Variants in SNX24 observed in about 807,000 individuals in gnomAD.
SNX24 encodes the protein sorting nexin 24, also known as sorting nexin-24.
In SNX24, 22 loss-of-function variants were observed where a neutral mutation model predicts 28.7. The ratio of observed to expected loss-of-function variants is 0.77; its 90% CI spans 0.55 to 1.10. The LOEUF (loss-of-function observed/expected upper bound fraction) is 1.10. Ranked by LOEUF, SNX24 falls within the 50% of genes least tolerant of loss-of-function variation. SNX24 has a pLI of 0.00. For missense variants in SNX24, 221 were observed against 201.1 expected, an observed-to-expected ratio of 1.10 and a Z score of -0.60; for synonymous variants, 69 against 71.5, an observed-to-expected ratio of 0.96 and a Z score of 0.18.
In SNX24 at chr5:123,007,746, G is replaced by C; in HGVS notation, c.507G>C (p.Arg169Ser). 1 of 1,599,872 alleles carries C rather than the reference G, an allele frequency of 6.3e-7. No individual in the cohort carries two copies. Among genetic ancestry groups the C allele is most frequent in the South Asian group, 1.2e-5 (1 of 86,686 alleles). ...HGIFYPHLQP[R>S] ...TATTTTACCCTCATCTACAGCCCAG[G>C]TAGAAATCCTACATGGCTAAAAGAA... is the stretch of plus-strand genomic sequence containing the variant. The change falls in exon 7 of 7, where the codon AGG becomes AGC. Residue 169 changes from arginine (R) to serine (S), a missense_variant. Coordinates refer to ENST00000261369, the MANE Select transcript of SNX24 (RefSeq NM_014035.4).
chr5:122,930,593 A>G (rs1426508907), intron 1 of SNX24, among the ~76,000 whole-genome samples: 2 of 152,146 alleles, frequency 1.3e-5, no homozygotes, highest in African/African-American at 4.8e-5. Flanking sequence ...TCCCTGGGAT[A>G]TATAAACCCT....
intron 5 of SNX24, among the ~76,000 whole-genome samples, chr5:123,020,233 TTAAAG>T (rs1762743081): frequency 1.3e-5 from 2 of 152,184 alleles, no homozygotes; most frequent in African/African-American, 2.4e-5. Flanking sequence ...TTATTTAAAA[TTAAAG>T]AGAATTGTTT....
At position 122,845,672 on chromosome 5, in the gene SNX24, C is replaced by T; in HGVS notation, c.39C>T (p.Ser13=). 2.1e-6 allele frequency: 3 copies of T among 1,423,358 alleles called. No homozygotes were observed. The highest frequency in any genetic ancestry group is 1.7e-5 in the South Asian group (1 of 60,584). The allele number at this position is 1,423,358 out of a possible 1,614,324, so 88.2% of individuals were successfully genotyped here. ...TCCCGTCCTTTCGCTATGAAGAGAGCGACCTGGAGCGGGGATACACGGTAG... is the reference window on the plus strand; with the variant it reads ...TCCCGTCCTTTCGCTATGAAGAGAGTGACCTGGAGCGGGGATACACGGTAG... ...VYIPSFRYEE[S]DLERGYTVFK... Residue 13 remains serine, a synonymous_variant, in exon 1 of 7, where the codon AGC becomes AGT. Transcript: ENST00000261369.
At chr5:122,942,092 C>A (rs1157320345) in intron 2 of SNX24, among the ~76,000 whole-genome samples, 1 of 152,120 alleles carries the variant, frequency 6.6e-6, no homozygotes, top group Non-Finnish European at 1.5e-5. Context: ...CCAAAAATTG[C>A]ATGTATGGGC....
chr5:122,906,827 G>A (rs1222479731), intron 1 of SNX24, among the ~76,000 whole-genome samples: 3 of 152,154 alleles, frequency 2.0e-5, no homozygotes, highest in Non-Finnish European at 4.4e-5. Context: ...TCTTTTTACA[G>A]TTGAGAGGAC....
chr5:122,879,042 C>G (rs1212323695), intron 1 of SNX24, among the ~76,000 whole-genome samples: 1 of 151,822 alleles, frequency 6.6e-6, no homozygotes, highest in Non-Finnish European at 1.5e-5. Context: ...TTTTTAGTGG[C>G]CCTATTAAAA....
At chr5:123,012,245 G>C (rs1035732282), downstream of SNX24, among the ~76,000 whole-genome samples, 1 of 152,088 alleles carries the variant, frequency 6.6e-6, no homozygotes. Context: ...GCATGAGAAC[G>C]GACTAATACA....
At chr5:122,982,310 CAT>C (rs1317391978) in intron 3 of SNX24, among the ~76,000 whole-genome samples, 2 of 152,150 alleles carry the variant, frequency 1.3e-5, no homozygotes, top group Non-Finnish European at 2.9e-5. Flanking sequence ...TCTTTGAACA[CAT>C]GTTTAATCAT....
chr5:122,978,576 A>G (rs1407340645), intron 3 of SNX24, among the ~76,000 whole-genome samples: 1 of 152,224 alleles, frequency 6.6e-6, no homozygotes, highest in Non-Finnish European at 1.5e-5. Flanking sequence ...TTTTTCTAGG[A>G]AACAGTCTTC....
At chr5:122,879,455 C>T (rs1401156739) in intron 1 of SNX24, among the ~76,000 whole-genome samples, 1 of 152,164 alleles carries the variant, frequency 6.6e-6, no homozygotes, top group Non-Finnish European at 1.5e-5. Context: ...GGTTTCAGCT[C>T]AGTTGAGGAA....
intron 1 of SNX24, among the ~76,000 whole-genome samples, chr5:122,865,424 G>T (rs1263325307): frequency 6.6e-6 from 1 of 152,142 alleles, no homozygotes; most frequent in Admixed American, 6.5e-5. Flanking sequence ...TCTGCCTCCC[G>T]GGTTCAAGTG....
intron 3 of SNX24, among the ~76,000 whole-genome samples, chr5:122,966,764 A>G (rs1257169065): frequency 1.3e-5 from 2 of 152,204 alleles, no homozygotes. Context: ...AAGATATACC[A>G]CATAGAGTTG....
At chr5:123,028,996 G>C (rs931093931) in intron 5 of SNX24, 2 of 881,276 alleles carry the variant, frequency 2.3e-6, no homozygotes, top group Non-Finnish European at 3.4e-6. Context: ...TTCTATCCCA[G>C]CTATGGTTTA....
chr5:122,880,898 A>G (rs1756450755), intron 1 of SNX24, among the ~76,000 whole-genome samples: 1 of 152,212 alleles, frequency 6.6e-6, no homozygotes, highest in Admixed American at 6.5e-5. Context: ...CCGAAATTGC[A>G]TCCGTTTGTC....
At chr5:122,985,747 A>C (rs1024386798) in intron 3 of SNX24, among the ~76,000 whole-genome samples, 3 of 152,236 alleles carry the variant, frequency 2.0e-5, no homozygotes, top group African/African-American at 7.2e-5. Context: ...GCATTCCATG[A>C]GGAGACTTCA....
chr5:122,943,087 TG>T (rs1324080057), intron 2 of SNX24, among the ~76,000 whole-genome samples: 1 of 152,204 alleles, frequency 6.6e-6, no homozygotes, highest in Admixed American at 6.5e-5. Flanking sequence ...TTTAGCATTT[TG>T]GCCTTGTTAT....
At chr5:122,934,394 C>G (rs1370659278) in intron 1 of SNX24, among the ~76,000 whole-genome samples, 1 of 152,148 alleles carries the variant, frequency 6.6e-6, no homozygotes, top group Non-Finnish European at 1.5e-5. Context: ...GAGTCTCGCT[C>G]GGTTGCCCAG....
chr5:122,945,458 C>T (rs1759641084), intron 2 of SNX24, among the ~76,000 whole-genome samples: 1 of 152,130 alleles, frequency 6.6e-6, no homozygotes, highest in Non-Finnish European at 1.5e-5. Flanking sequence ...TTATATTATC[C>T]CCTAAAACTG....
chr5:123,018,059 C>G (rs1442143488), intron 5 of SNX24, among the ~76,000 whole-genome samples: 1 of 151,882 alleles, frequency 6.6e-6, no homozygotes. Context: ...ATGGGAGACA[C>G]CAGGGCCATA....
Sources: gnomAD v4.1 joint callset for allele counts (sites outside exome capture counted in the v4.1 genomes callset) on GRCh38, gnomAD v4.1.1 for gene constraint, MANE v1.5 for transcripts, NCBI Gene and HGNC (gene_info 2026-07-23, HGNC 2026-07-21) for gene names.